The following DOK7 variants were observed in gnomAD, a reference collection of about 807,000 sequenced individuals.
The protein encoded by DOK7 is docking protein 7.
DOK7 carries 32 observed loss-of-function variants against 30.7 expected under a neutral mutation model. The ratio of observed to expected loss-of-function variants is 1.04; its 90% confidence interval spans 0.79 to 1.40. The LOEUF (loss-of-function observed/expected upper bound fraction) is 1.40. DOK7 is among the 40% of genes most tolerant of loss of function. The pLI is 0.00. For missense variants in DOK7, 1,007 were observed against 699.2 expected (o/e 1.44, Z -4.97); for synonymous variants, 447 against 324.1 (o/e 1.38, Z -4.07).
intron 6 of DOK7, among the ~76,000 whole-genome samples, chr4:3,490,551 C>T (rs1181693806): frequency 2.3e-4 from 24 of 106,096 alleles, no homozygotes; most frequent in East Asian, 6.9e-4. Flanking sequence ...CTTCCTTCTC[C>T]CCCTGCTCAT....
chr4:3,488,085 C>A (rs28595104), intron 5 of DOK7, among the ~76,000 whole-genome samples: 4 of 152,220 alleles, frequency 2.6e-5, no homozygotes, highest in Middle Eastern at 3.2e-3. Flanking sequence ...TCGCCTTCCA[C>A]CCTCCCAGGC....
At chr4:3,475,747 G>A (rs1363162916) in intron 3 of DOK7, among the ~76,000 whole-genome samples, 1 of 152,134 alleles carries the variant, frequency 6.6e-6, no homozygotes, top group African/African-American at 2.4e-5. Flanking sequence ...CTTCTGTGAT[G>A]GAGCCACACA....
chr4:3,487,949 C>T (rs537461969), intron 5 of DOK7, among the ~76,000 whole-genome samples: 5 of 152,346 alleles, frequency 3.3e-5, no homozygotes, highest in African/African-American at 1.2e-4. Context: ...CTGTCCTGCC[C>T]ACGTGGCTGA....
chr4:3,491,415 T>TGCTCACTCCAGC (rs879561937), intron 6 of DOK7, among the ~76,000 whole-genome samples: 1 of 144,020 alleles, frequency 6.9e-6, no homozygotes. Flanking sequence ...AGCTTCCTTC[T>TGCTCACTCCAGC]TTCCTTCTTC....
In DOK7 at chr4:3,490,625, C is replaced by CCTCTGCTCCCCCCTGCTCATTCATTCCTT. The variant is rs1560227530; in HGVS notation, c.772+830_772+831insTCTGCTCCCCCCTGCTCATTCATTCCTTC. ...TTCTCTCCCTGCTCGTTCATTCCTTCCCTCTCCGCCTGCTCGTTCATTTCC... is the reference window on the plus strand; with the variant it reads ...TTCTCTCCCTGCTCGTTCATTCCTTCCTCTGCTCCCCCCTGCTCATTCATTCCTTCCTCTCCGCCTGCTCGTTCATTTCC... On this transcript the variant is annotated intron_variant, in intron 6 of 6. Coordinates refer to ENST00000340083, the MANE Select transcript of DOK7 (RefSeq NM_173660.5). Among the ~76,000 whole-genome samples, 24 of 85,904 alleles carry CCTCTGCTCCCCCCTGCTCATTCATTCCTT rather than the reference C, an allele frequency of 2.8e-4. 6 individuals are homozygous for CCTCTGCTCCCCCCTGCTCATTCATTCCTT. The East Asian group carries it at 0.018, about 63-fold the overall frequency. 56.4% of individuals were successfully genotyped at this position (85,904 alleles called of 152,430 possible).
At chr4:3,495,261 A>AGTCTT (rs1400505945), downstream of DOK7, among the ~76,000 whole-genome samples, 2 of 152,336 alleles carry the variant, frequency 1.3e-5, no homozygotes, top group African/African-American at 2.4e-5. Flanking sequence ...TGGCCGCGCC[A>AGTCTT]GTCTTGTTGC....
chr4:3,469,866 T>C (rs1013039148), intron 2 of DOK7, among the ~76,000 whole-genome samples: 3 of 152,084 alleles, frequency 2.0e-5, no homozygotes, highest in Non-Finnish European at 4.4e-5. Flanking sequence ...GGGGTGGGCG[T>C]CAGCTGCCGG....
chr4:3,475,050 C>T (rs1352046441), intron 3 of DOK7, among the ~76,000 whole-genome samples: 2 of 152,252 alleles, frequency 1.3e-5, no homozygotes, highest in Admixed American at 6.5e-5. Flanking sequence ...CCCGCTCCCC[C>T]AGTCTTGTCC....
In DOK7 at chr4:3,492,881, C is replaced by T; in HGVS notation, c.895C>T (p.Pro299Ser). The part of the protein sequence containing the change: ...SSSASTSQEG[P>S]RPAAAQAAGE... ...GTCAGCCAGCACGTCACAGGAGGGGCCTAGACCAGCAGCTGCCCAGGCCGC... is the reference window on the plus strand; with the variant it reads ...GTCAGCCAGCACGTCACAGGAGGGGTCTAGACCAGCAGCTGCCCAGGCCGC... The change falls in exon 7 of 7, where the codon CCT becomes TCT. Residue 299 changes from proline to serine, a missense_variant. Transcript: ENST00000340083. The T allele has an allele frequency of 6.2e-7, 1 of 1,601,036 alleles. No individual in the cohort carries two copies. The highest frequency in any genetic ancestry group is 8.5e-7 in the Non-Finnish European group (1 of 1,175,506).
intron 2 of DOK7, among the ~76,000 whole-genome samples, chr4:3,468,878 CGA>C (rs945111823): frequency 7.9e-5 from 10 of 125,792 alleles, no homozygotes; most frequent in Admixed American, 1.6e-4. Context: ...TGCCTGTGTA[CGA>C]GTGTGCCTGT....
At position 3,466,053 on chromosome 4, in the gene DOK7, C is replaced by T. The variant is rs552533898; in HGVS notation, c.100+2502C>T. On this transcript the variant is annotated intron_variant, in intron 2 of 6. Transcript: ENST00000340083. Reference sequence around the variant, plus strand: ...CTGCCCCTGGGGGCTTCATCCAGCTCAGAAAAGCCACCGGGAGGGCCCGAG... The same window carrying T: ...CTGCCCCTGGGGGCTTCATCCAGCTTAGAAAAGCCACCGGGAGGGCCCGAG... Among the ~76,000 whole-genome samples the T allele has an allele frequency of 2.9e-3, 443 of 152,314 alleles. 5 individuals carry two copies. The highest frequency in any genetic ancestry group is 0.01 in the African/African-American group (433 of 41,580).
At chr4:3,496,189 C>A (rs1417695288), downstream of DOK7, among the ~76,000 whole-genome samples, 1 of 152,246 alleles carries the variant, frequency 6.6e-6, no homozygotes, top group Non-Finnish European at 1.5e-5. Flanking sequence ...CCTTCAGACC[C>A]CACCATAGGC....
rs552789082 is a variant in DOK7, at chr4:3,474,023, A to G, written c.331+387A>G. On this transcript the variant is annotated intron_variant, in intron 3 of 6. Transcript: ENST00000340083. ...GCGGTCCCACCCCAGCTTCCCCCCA[A>G]AACAGGATGGGAGGGAGGGAGGGAA... is the stretch of plus-strand genomic sequence containing the variant. 8.6e-4 allele frequency among the ~76,000 whole-genome samples: 130 copies of G among 151,726 alleles called. 2 individuals are homozygous for G. The highest frequency in any genetic ancestry group is 3.4e-3 in the Middle Eastern group (1 of 294).
At chr4:3,473,379 C>T (rs762471012) in intron 2 of DOK7, 27 bp from the exon 3 acceptor site, 5 of 1,607,060 alleles carry the variant, frequency 3.1e-6, no homozygotes, top group South Asian at 1.1e-5. Context: ...TGTTGGCTGG[C>T]GTCCCTGACG....
chr4:3,467,401 C>T (rs970996610), intron 2 of DOK7, among the ~76,000 whole-genome samples: 46 of 151,142 alleles, frequency 3.0e-4, no homozygotes, highest in South Asian at 2.1e-4. Flanking sequence ...CTGTGTGCAT[C>T]GCCGCCCGGT....
In DOK7 at chr4:3,489,710, A is replaced by G. The variant is rs151334056; in HGVS notation, c.686A>G (p.Glu229Gly). Residue 229 changes from glutamate (E) to glycine (G), a missense_variant, in exon 6 of 7, where the codon GAG (glutamate) becomes GGG (glycine). Transcript: ENST00000340083. ...PSPPGPSTVE[E>G]RVAQEALETL... ...CCCCCGGGACCCTCGACTGTGGAGG[A>G]GCGTGTGGCCCAGGAAGCCCTGGAA... The G allele has an allele frequency of 4.0e-5, 62 of 1,564,088 alleles. No individual in the cohort carries two copies. The highest frequency in any genetic ancestry group is 4.9e-5 in the Non-Finnish European group (56 of 1,154,572).
intron 4 of DOK7, among the ~76,000 whole-genome samples, chr4:3,478,342 C>T (rs1008929051): frequency 1.4e-4 from 22 of 152,226 alleles, no homozygotes; most frequent in Non-Finnish European, 8.8e-5. Flanking sequence ...TAAACAATCC[C>T]ACACCTGGGG....
chr4:3,473,875 C>G (rs1726919067), intron 3 of DOK7, among the ~76,000 whole-genome samples: 1 of 152,196 alleles, frequency 6.6e-6, no homozygotes, highest in African/African-American at 2.4e-5. Context: ...TTAGTTACAA[C>G]TGGAGCCTTT....
intron 7 of DOK7, chr4:3,500,585 CACTCAGATGCTTCCG>C: frequency 1.3e-6 from 2 of 1,516,162 alleles, no homozygotes; most frequent in Non-Finnish European, 1.8e-6. Flanking sequence ...AGGGTGTCCC[CACTCAGATGCTTCCG>C]AGGGCCTGGC....
Sources: gnomAD v4.1 joint callset for allele counts (sites outside exome capture counted in the v4.1 genomes callset) on GRCh38, gnomAD v4.1.1 for gene constraint, MANE v1.5 for transcripts, NCBI Gene and HGNC (gene_info 2026-07-23, HGNC 2026-07-21) for gene names.